Variants in SH3BGRL observed in about 807,000 individuals in gnomAD.
SH3BGRL encodes the protein adapter SH3BGRL.
SH3BGRL carries 7 observed loss-of-function variants against 9.8 expected under a neutral mutation model. The ratio of observed to expected loss-of-function variants is 0.72; its 90% CI spans 0.41 to 1.35. SH3BGRL has a LOEUF of 1.35. SH3BGRL is among the 40% of genes most tolerant of loss of function. SH3BGRL has a pLI of 0.01. For missense variants in SH3BGRL, 73 were observed against 84.4 expected (o/e 0.86, Z 0.53); for synonymous variants, 36 against 29.1 (o/e 1.24, Z -0.76).
At chrX:81,284,148 T>C (rs750667973) in intron 3 of SH3BGRL, among the ~76,000 whole-genome samples, 8 of 110,184 alleles carry the variant, frequency 7.3e-5, no homozygotes, top group Non-Finnish European at 1.1e-4. Flanking sequence ...TGCAAAACAC[T>C]GCTGAAAGAA....
At chrX:81,255,739 T>C (rs1294609615) in intron 1 of SH3BGRL, 1 of 112,159 alleles carries the variant, frequency 8.9e-6, no homozygotes, top group Non-Finnish European at 1.9e-5. Flanking sequence ...TTTCACTTTA[T>C]TTATAGTTCA....
chrX:81,226,388 A>C (rs1241080164), intron 1 of SH3BGRL, among the ~76,000 whole-genome samples: 2 of 107,732 alleles, frequency 1.9e-5, no homozygotes, highest in African/African-American at 6.7e-5. Context: ...TATGCCCTTT[A>C]CAATCTTGGC....
At chrX:81,226,508 CTATA>C (rs1053342075) in intron 1 of SH3BGRL, among the ~76,000 whole-genome samples, 1 of 96,390 alleles carries the variant, frequency 1.0e-5, no homozygotes, top group Non-Finnish European at 2.1e-5. Flanking sequence ...ATATATATAT[CTATA>C]TATATATATC....
chrX:81,293,758 C>A (rs1256904175), intron 3 of SH3BGRL, among the ~76,000 whole-genome samples: 2 of 111,909 alleles, frequency 1.8e-5, no homozygotes, highest in African/African-American at 6.5e-5. Context: ...CAGAAGAAGA[C>A]AGGAAAATGT....
chrX:81,256,135 AC>A (rs1341395834), intron 1 of SH3BGRL, among the ~76,000 whole-genome samples: 1 of 112,108 alleles, frequency 8.9e-6, no homozygotes, highest in East Asian at 2.8e-4. Flanking sequence ...GTGGATTTTC[AC>A]AGTGAACACT....
intron 1 of SH3BGRL, among the ~76,000 whole-genome samples, chrX:81,260,869 T>C (rs1198943142): frequency 9.0e-6 from 1 of 111,097 alleles, no homozygotes; most frequent in Non-Finnish European, 1.9e-5. Context: ...AGTCGAACAC[T>C]GATCCTTCCC....
intron 1 of SH3BGRL, 104 bp from the exon 2 acceptor site, chrX:81,276,880 G>A: frequency 3.0e-6 from 2 of 677,638 alleles, no homozygotes; most frequent in South Asian, 5.9e-5. Context: ...TATAACTTCT[G>A]TGAAACCACA....
intron 1 of SH3BGRL, among the ~76,000 whole-genome samples, chrX:81,242,724 GA>G (rs1017980120): frequency 3.6e-5 from 4 of 109,598 alleles, no homozygotes; most frequent in East Asian, 2.9e-4. Context: ...AGCTCTAGAG[GA>G]AAAAAAAACT....
intron 3 of SH3BGRL, among the ~76,000 whole-genome samples, chrX:81,279,357 A>G (rs1267323022): frequency 9.0e-6 from 1 of 111,429 alleles, no homozygotes; most frequent in Non-Finnish European, 1.9e-5. Flanking sequence ...AGCATCTGCA[A>G]TCCAGACAGA....
At chrX:81,212,189 G>C (rs911324133) in intron 1 of SH3BGRL, among the ~76,000 whole-genome samples, 1 of 110,194 alleles carries the variant, frequency 9.1e-6, no homozygotes, top group Admixed American at 9.8e-5. Context: ...GAGGCTAGGC[G>C]TTTGAGACCA....
At chrX:81,231,225 A>G (rs972545776) in intron 1 of SH3BGRL, among the ~76,000 whole-genome samples, 2 of 112,469 alleles carry the variant, frequency 1.8e-5, no homozygotes, top group Non-Finnish European at 3.8e-5. Context: ...TAAGAATGGC[A>G]CATTTCATCA....
rs2075880953 is a variant in SH3BGRL, at chrX:81,297,871, A to G, written c.*644A>G. On this transcript the variant is annotated 3_prime_UTR_variant, in exon 4 of 4. Coordinates refer to ENST00000373212, the MANE Select transcript of SH3BGRL (RefSeq NM_003022.3). ...ATATCCTTTTACACGCACAAAAGCA[A>G]TAGATTCATTCAGTGGACAAGTTCC... 2.7e-5 allele frequency: 3 copies of G among 111,821 alleles called. No individual in the cohort carries two copies. Among genetic ancestry groups the G allele is most frequent in the African/African-American group, 6.5e-5 (2 of 30,861 alleles). 9.2% of individuals were successfully genotyped at this position (111,821 alleles called of 1,213,427 possible).
At chrX:81,280,697 G>A (rs1352723251) in intron 3 of SH3BGRL, among the ~76,000 whole-genome samples, 1 of 111,689 alleles carries the variant, frequency 9.0e-6, no homozygotes, top group Non-Finnish European at 1.9e-5. Flanking sequence ...CCTTCCCTCT[G>A]ACAGAGCCTA....
chrX:81,283,027 G>A (rs1456374118), intron 3 of SH3BGRL, among the ~76,000 whole-genome samples: 1 of 111,599 alleles, frequency 9.0e-6, no homozygotes, highest in Non-Finnish European at 1.9e-5. Context: ...ATCATTCAAG[G>A]CTAATATGAA....
At chrX:81,283,031 A>C (rs1318239019) in intron 3 of SH3BGRL, among the ~76,000 whole-genome samples, 1 of 112,018 alleles carries the variant, frequency 8.9e-6, no homozygotes, top group Non-Finnish European at 1.9e-5. Flanking sequence ...TTCAAGGCTA[A>C]TATGAACACC....
chrX:81,213,408 T>C (rs1454591139), intron 1 of SH3BGRL, among the ~76,000 whole-genome samples: 8 of 112,343 alleles, frequency 7.1e-5, no homozygotes, highest in Admixed American at 4.7e-4. Flanking sequence ...TGATTAATGG[T>C]GAGTCATTAT....
At chrX:81,235,338 A>G (rs1009204856) in intron 1 of SH3BGRL, among the ~76,000 whole-genome samples, 1 of 110,828 alleles carries the variant, frequency 9.0e-6, no homozygotes, top group African/African-American at 3.3e-5. Context: ...TCCAGGTCTT[A>G]CAACCCAGAG....
intron 1 of SH3BGRL, among the ~76,000 whole-genome samples, chrX:81,259,749 AC>A (rs1224298434): frequency 1.8e-5 from 2 of 111,291 alleles, no homozygotes; most frequent in African/African-American, 3.3e-5. Flanking sequence ...CCCTTTTATT[AC>A]TCATTTTCTG....
At chrX:81,237,335 AAGGT>A (rs2075651753) in intron 1 of SH3BGRL, 1 of 315,501 alleles carries the variant, frequency 3.2e-6, no homozygotes, top group Non-Finnish European at 6.1e-6. Context: ...AGGCACTGAA[AAGGT>A]AGAAAAAACA....
Sources: allele counts gnomAD v4.1 joint callset (sites outside exome capture counted in the v4.1 genomes callset), GRCh38; gene constraint gnomAD v4.1.1; transcripts MANE v1.5; gene names NCBI Gene and HGNC (gene_info 2026-07-23, HGNC 2026-07-21).